SYNE2: variants seen among roughly 807,000 people sequenced by gnomAD.
SYNE2 encodes the protein spectrin repeat containing nuclear envelope protein 2.
Under a neutral mutation model 856.3 loss-of-function variants are expected in SYNE2, and 431 were observed. The ratio of observed to expected loss-of-function variants is 0.50; its 90% CI spans 0.47 to 0.55. The LOEUF (loss-of-function observed/expected upper bound fraction) is 0.55, where lower values mean the gene tolerates loss of function less well. Among genes scored for constraint, SYNE2 ranks in the 20% least tolerant of loss-of-function variants. The pLI, the probability that SYNE2 is intolerant of heterozygous loss-of-function variation, is 0.00. For synonymous variants in SYNE2, 2,923 were observed against 2,872.3 expected (o/e 1.02, Z -0.56); for missense variants, 8,129 against 8,023.2 (o/e 1.01, Z -0.50).
At chr14:64,024,156 GT>G (rs769721350) in intron 38 of SYNE2, 100 bp from the exon 39 acceptor site, 1 of 914,854 alleles carries the variant, frequency 1.1e-6, no homozygotes, top group Non-Finnish European at 1.8e-6. Flanking sequence ...TCTTAAGAAG[GT>G]GGTATGTCTG....
intron 97 of SYNE2, among the ~76,000 whole-genome samples, chr14:64,187,276 G>A (rs1361916062): frequency 2.6e-5 from 4 of 152,162 alleles, no homozygotes; most frequent in Non-Finnish European, 4.4e-5. Flanking sequence ...TGTGAATTAA[G>A]AGATGTATTT....
intron 8 of SYNE2, chr14:63,960,612 T>G: frequency 1.7e-6 from 1 of 589,264 alleles, no homozygotes; most frequent in South Asian, 2.0e-5. Flanking sequence ...TGAAGTGTTT[T>G]TTTTTTTCCA....
At chr14:64,014,930 TATATATATATA>T (rs2096876660) in intron 32 of SYNE2, among the ~76,000 whole-genome samples, 1 of 1,158 alleles carries the variant, frequency 8.6e-4, no homozygotes, top group Non-Finnish European at 8.2e-3. Flanking sequence ...TATAATTCCT[TATATATATATA>T]TATATATATA....
In SYNE2 at chr14:64,080,586, A is replaced by G. The variant is rs112190310; in HGVS notation, c.11294A>G (p.Gln3765Arg). ...GATAACTTGATGATTCCTTTCCAGC[A>G]GTATCAGCAAGTATCACAGAGAGCA... ...WMDNLMIPFQ[Q>R]YQQVSQRAEC... The change falls in exon 56 of 116, where the codon CAG becomes CGG. Residue 3765 changes from glutamine (Q) to arginine (R), a missense_variant. By Grantham distance (43) the Gln-to-Arg change is conservative (BLOSUM62 1). Transcript: ENST00000555002. 2.5e-6 allele frequency: 4 copies of G among 1,614,236 alleles called. No individual in the cohort carries two copies. In the African/African-American group the frequency reaches 4.0e-5, roughly 16 times the overall value.
At chr14:64,019,644 CGT>C (rs371970514) in intron 34 of SYNE2, among the ~76,000 whole-genome samples, 78 of 151,242 alleles carry the variant, frequency 5.2e-4, no homozygotes, top group Middle Eastern at 3.4e-3. Flanking sequence ...ATTGTGTGTC[CGT>C]GTGTGTGTGT....
chr14:64,178,517 G>A (rs947295933), intron 96 of SYNE2, among the ~76,000 whole-genome samples: 9 of 152,290 alleles, frequency 5.9e-5, no homozygotes, highest in Admixed American at 4.6e-4. Context: ...GAGTGCAGTG[G>A]CACAGTCTCA....
At chr14:64,191,898 T>C (rs1034949783) in intron 99 of SYNE2, among the ~76,000 whole-genome samples, 1 of 152,240 alleles carries the variant, frequency 6.6e-6, no homozygotes, top group Non-Finnish European at 1.5e-5. Context: ...GATTTAACCT[T>C]TCTAGGCCTC....
chr14:63,983,723 A>G lies in SYNE2; in HGVS notation c.2002-14A>G, dbSNP rs1372310052. 1.2e-6 allele frequency: 2 copies of G among 1,606,376 alleles called. No individual in the cohort carries two copies. Among genetic ancestry groups the G allele is most frequent in the Non-Finnish European group, 1.7e-6 (2 of 1,173,890 alleles). On this transcript the variant is annotated splice_polypyrimidine_tract_variant and intron_variant, in intron 17 of 115. Coordinates refer to ENST00000555002, the MANE Select transcript of SYNE2 (RefSeq NM_182914.3). ...AAATATGAGTATTACATTTCATGAA[A>G]TTATTTTGTATAGGAAATGAACCTG... is the stretch of plus-strand genomic sequence containing the variant.
chr14:64,215,405 A>G, intron 107 of SYNE2, 51 bp downstream of exon 107: 1 of 1,569,480 alleles, frequency 6.4e-7, no homozygotes, highest in East Asian at 2.2e-5. Flanking sequence ...TGTGGCGCAC[A>G]CTGCATCCTC....
At chr14:64,155,622 A>G (rs2098279749) in intron 85 of SYNE2, among the ~76,000 whole-genome samples, 1 of 151,700 alleles carries the variant, frequency 6.6e-6, no homozygotes, top group Admixed American at 6.6e-5. Context: ...TCATCCATCT[A>G]TAAGCTGTCA....
At chr14:64,026,818 A>T (rs913368866) in intron 42 of SYNE2, 88 bp downstream of exon 42, 7 of 1,464,376 alleles carry the variant, frequency 4.8e-6, no homozygotes, top group African/African-American at 2.8e-5. Flanking sequence ...CTGGGTTTGG[A>T]TATAATATCT....
At chr14:64,101,746 A>G (rs1219377837) in intron 63 of SYNE2, among the ~76,000 whole-genome samples, 186 bp from the exon 64 acceptor site, 1 of 152,228 alleles carries the variant, frequency 6.6e-6, no homozygotes, top group Non-Finnish European at 1.5e-5. Context: ...GAGCAGCCAC[A>G]TTTGTAAACA....
At chr14:63,769,252 A>C (rs1886801494) in intron 1 of SYNE2, among the ~76,000 whole-genome samples, 1 of 152,226 alleles carries the variant, frequency 6.6e-6, no homozygotes, top group Non-Finnish European at 1.5e-5. Context: ...GAACAATCTA[A>C]GAATAGAGAA....
chr14:63,932,210 C>T (rs1353543544), intron 2 of SYNE2, among the ~76,000 whole-genome samples: 3 of 151,490 alleles, frequency 2.0e-5, no homozygotes, highest in African/African-American at 4.9e-5. Flanking sequence ...GTGAAACCCC[C>T]GTCTCTACTA....
intron 1 of SYNE2, among the ~76,000 whole-genome samples, chr14:63,854,041 TC>T (rs1891116506): frequency 6.6e-6 from 1 of 151,430 alleles, no homozygotes; most frequent in Non-Finnish European, 1.5e-5. Flanking sequence ...GAAAGTTATT[TC>T]CCCCTCCCTC....
At chr14:64,081,882 C>T (rs576818467) in intron 57 of SYNE2, among the ~76,000 whole-genome samples, 5 of 151,992 alleles carry the variant, frequency 3.3e-5, no homozygotes, top group Non-Finnish European at 4.4e-5. Context: ...GTTAGGAGAT[C>T]GAGACCATCC....
intron 1 of SYNE2, among the ~76,000 whole-genome samples, chr14:63,815,575 C>T (rs567694650): frequency 6.3e-4 from 96 of 152,188 alleles, no homozygotes; most frequent in Admixed American, 2.2e-3. Context: ...TGGTAACACC[C>T]TCATAGACAC....
At chr14:64,142,361 A>G (rs1294432219) in intron 82 of SYNE2, among the ~76,000 whole-genome samples, 3 of 152,122 alleles carry the variant, frequency 2.0e-5, no homozygotes, top group Non-Finnish European at 4.4e-5. Context: ...ACCACCCCCA[A>G]TAACCACAGA....
intron 107 of SYNE2, 197 bp from the exon 108 acceptor site, chr14:64,216,051 C>G (rs2098664920): frequency 6.0e-6 from 9 of 1,490,824 alleles, no homozygotes; most frequent in Non-Finnish European, 7.1e-6. Context: ...CGTTGTGTAC[C>G]CATCTAGTGA....
Sources: allele counts gnomAD v4.1 joint callset (sites outside exome capture counted in the v4.1 genomes callset), GRCh38; gene constraint gnomAD v4.1.1; transcripts MANE v1.5; gene names NCBI Gene and HGNC (gene_info 2026-07-23, HGNC 2026-07-21).